Variants in SGCZ observed in about 807,000 individuals in gnomAD.
The protein encoded by SGCZ is zeta-sarcoglycan.
SGCZ carries 40 observed loss-of-function variants against 41.3 expected under a neutral mutation model. That is an observed-to-expected ratio of 0.97 (90% CI 0.75 to 1.26). SGCZ has a LOEUF of 1.26. Among genes scored for constraint, SGCZ ranks in the 50% most tolerant of loss-of-function variants. The pLI is 0.00. For missense variants in SGCZ, 552 were observed against 369.8 expected (o/e 1.49, Z -4.04); for synonymous variants, 206 against 137.5 (o/e 1.50, Z -3.49).
chr8:14,361,342 T>G (rs1243283699), intron 2 of SGCZ, among the ~76,000 whole-genome samples: 1 of 152,206 alleles, frequency 6.6e-6, no homozygotes, highest in Non-Finnish European at 1.5e-5. Context: ...GATTTGGTCT[T>G]TTCACATAGT....
chr8:14,918,948 C>A (rs1799513493), intron 1 of SGCZ, among the ~76,000 whole-genome samples: 1 of 152,106 alleles, frequency 6.6e-6, no homozygotes, highest in South Asian at 2.1e-4. Context: ...ACAGCATAGA[C>A]CCTGAAGGAA....
At chr8:14,818,179 G>A (rs952651740) in intron 1 of SGCZ, among the ~76,000 whole-genome samples, 9 of 152,064 alleles carry the variant, frequency 5.9e-5, no homozygotes, top group Non-Finnish European at 1.0e-4. Context: ...ACATTCATGA[G>A]CTCAGCTTAA....
chr8:14,781,349 C>A lies in SGCZ; in HGVS notation c.40-226423G>T, dbSNP rs573939491. Among the ~76,000 whole-genome samples the A allele has an allele frequency of 1.3e-4, 20 of 152,198 alleles. No individual in the cohort carries two copies. The South Asian group carries it at 3.3e-3, about 25-fold the overall frequency. ...CAGGTTCTAGCGATTCTTTCTCTGCCTCCGGAGGAGCTGGAGTTACAGGCA... is the reference window on the plus strand; with the variant it reads ...CAGGTTCTAGCGATTCTTTCTCTGCATCCGGAGGAGCTGGAGTTACAGGCA... On this transcript the variant is annotated intron_variant, in intron 1 of 7. Transcript: ENST00000382080.
At chr8:15,010,064 CAT>C (rs539558156) in intron 1 of SGCZ, among the ~76,000 whole-genome samples, 1 of 151,976 alleles carries the variant, frequency 6.6e-6, no homozygotes, top group Non-Finnish European at 1.5e-5. Context: ...AAAAAGAAGA[CAT>C]GTGATGTTAT....
intron 1 of SGCZ, among the ~76,000 whole-genome samples, chr8:14,653,372 G>A (rs1384125798): frequency 6.6e-6 from 1 of 152,020 alleles, no homozygotes; most frequent in African/African-American, 2.4e-5. Flanking sequence ...CATTTGAACT[G>A]CATAGAGTTT....
At chr8:14,593,089 AC>A (rs1190316608) in intron 1 of SGCZ, among the ~76,000 whole-genome samples, 1 of 151,932 alleles carries the variant, frequency 6.6e-6, no homozygotes, top group Non-Finnish European at 1.5e-5. Context: ...GCACCTCCTC[AC>A]CCCCAAAGAT....
chr8:14,532,397 A>G (rs1405181284), intron 2 of SGCZ, among the ~76,000 whole-genome samples: 1 of 152,064 alleles, frequency 6.6e-6, no homozygotes, highest in East Asian at 1.9e-4. Context: ...GGAGCCACCA[A>G]TAACAGAATT....
intron 1 of SGCZ, among the ~76,000 whole-genome samples, chr8:15,046,862 A>G (rs1804324217): frequency 6.6e-6 from 1 of 152,028 alleles, no homozygotes; most frequent in Non-Finnish European, 1.5e-5. Context: ...TCTCTTCTTT[A>G]ACAGTGAGAA....
intron 1 of SGCZ, among the ~76,000 whole-genome samples, chr8:14,978,245 A>G (rs868650822): frequency 2.6e-5 from 4 of 151,560 alleles, no homozygotes; most frequent in Non-Finnish European, 4.4e-5. Flanking sequence ...AGGGGGGTGG[A>G]TCACCTGAGG....
intron 1 of SGCZ, among the ~76,000 whole-genome samples, chr8:15,090,780 T>C (rs1451223468): frequency 6.6e-6 from 1 of 152,180 alleles, no homozygotes; most frequent in Non-Finnish European, 1.5e-5. Flanking sequence ...TCTTATCATT[T>C]TTGTTTTCAT....
intron 1 of SGCZ, among the ~76,000 whole-genome samples, chr8:14,688,303 T>C (rs553955485): frequency 1.3e-5 from 2 of 152,352 alleles, no homozygotes; most frequent in South Asian, 4.1e-4. Flanking sequence ...GCCTAGGTTT[T>C]CTTCTAGGGT....
intron 4 of SGCZ, among the ~76,000 whole-genome samples, chr8:14,219,585 A>G (rs879854871): frequency 5.9e-5 from 9 of 152,118 alleles, no homozygotes; most frequent in Non-Finnish European, 1.2e-4. Flanking sequence ...CGTCTCTACT[A>G]AAAATACAAA....
At chr8:14,614,442 C>T (rs948539154) in intron 1 of SGCZ, among the ~76,000 whole-genome samples, 1 of 152,156 alleles carries the variant, frequency 6.6e-6, no homozygotes, top group African/African-American at 2.4e-5. Flanking sequence ...TATGCATTAA[C>T]AGGGTACACA....
chr8:14,181,614 G>C (rs1804729483), intron 4 of SGCZ, among the ~76,000 whole-genome samples: 1 of 152,208 alleles, frequency 6.6e-6, no homozygotes, highest in Non-Finnish European at 1.5e-5. Flanking sequence ...CATGGGGGTG[G>C]TTCCCCAATA....
At chr8:14,146,732 C>T (rs1199514319) in intron 5 of SGCZ, among the ~76,000 whole-genome samples, 2 of 149,528 alleles carry the variant, frequency 1.3e-5, no homozygotes, top group African/African-American at 2.5e-5. Context: ...ATTAGCCGGG[C>T]GTAGTGGCGG....
chr8:14,938,830 C>G (rs1326634181), intron 1 of SGCZ, among the ~76,000 whole-genome samples: 2 of 151,828 alleles, frequency 1.3e-5, no homozygotes, highest in African/African-American at 2.4e-5. Flanking sequence ...TTTTTTACAT[C>G]TTTACAAGTT....
chr8:15,216,387 C>T (rs1335542295), intron 1 of SGCZ, among the ~76,000 whole-genome samples: 5 of 151,682 alleles, frequency 3.3e-5, no homozygotes, highest in African/African-American at 1.2e-4. Context: ...GCCTGGCTAA[C>T]TTTTTTATAT....
chr8:14,423,787 C>G (rs1799701082), intron 2 of SGCZ, among the ~76,000 whole-genome samples: 1 of 152,084 alleles, frequency 6.6e-6, no homozygotes, highest in Non-Finnish European at 1.5e-5. Flanking sequence ...CCATCTTTCT[C>G]TGCATCATTT....
intron 4 of SGCZ, among the ~76,000 whole-genome samples, chr8:14,209,479 A>G (rs554782085): frequency 7.2e-4 from 110 of 152,256 alleles, no homozygotes; most frequent in Admixed American, 1.5e-3. Flanking sequence ...TGATAATTAC[A>G]GATCAGGAGT....
Sources: gnomAD v4.1 joint callset for allele counts (sites outside exome capture counted in the v4.1 genomes callset) on GRCh38, gnomAD v4.1.1 for gene constraint, MANE v1.5 for transcripts, NCBI Gene and HGNC (gene_info 2026-07-23, HGNC 2026-07-21) for gene names.